The following SEMA3C variants were observed in gnomAD, a reference collection of about 807,000 sequenced individuals.
SEMA3C encodes semaphorin 3C.
SEMA3C carries 47 observed loss-of-function variants against 89.4 expected under a neutral mutation model. That is an observed-to-expected ratio of 0.53 (90% CI 0.42 to 0.67). The LOEUF is 0.67. Among genes scored for constraint, SEMA3C ranks in the 30% least tolerant of loss-of-function variants. The pLI is 0.00. For missense variants in SEMA3C, 839 were observed against 929.1 expected, an observed-to-expected ratio of 0.90 and a Z score of 1.26; for synonymous variants, 310 against 320.2, an observed-to-expected ratio of 0.97 and a Z score of 0.34.
intron 2 of SEMA3C, among the ~76,000 whole-genome samples, chr7:80,901,962 T>G (rs1256717954): frequency 1.3e-5 from 2 of 152,232 alleles, no homozygotes; most frequent in Admixed American, 1.3e-4. Context: ...TGGGTTTTTT[T>G]GTTGTTGCTT....
At chr7:80,908,561 A>C (rs1180178354) in intron 2 of SEMA3C, among the ~76,000 whole-genome samples, 3 of 152,126 alleles carry the variant, frequency 2.0e-5, no homozygotes, top group African/African-American at 7.2e-5. Flanking sequence ...AAAAAAAGAA[A>C]AGCAGGCGTA....
chr7:80,783,062 A>G (rs1562873052), intron 12 of SEMA3C, among the ~76,000 whole-genome samples: 1 of 152,184 alleles, frequency 6.6e-6, no homozygotes, highest in Non-Finnish European at 1.5e-5. Context: ...ATATCTTTAT[A>G]CAATCATTAC....
intron 17 of SEMA3C, among the ~76,000 whole-genome samples, chr7:80,748,369 C>T (rs1045864810): frequency 6.6e-6 from 1 of 152,118 alleles, no homozygotes; most frequent in African/African-American, 2.4e-5. Context: ...TCACTAAATA[C>T]AGACAATGCT....
rs760239819 is a variant in SEMA3C, at chr7:80,758,477, A to G, written c.1497T>C (p.Tyr499=). 6.2e-7 allele frequency: 1 copy of G among 1,613,692 alleles called. No homozygotes were observed. Among genetic ancestry groups the G allele is most frequent in the South Asian group, 1.1e-5 (1 of 91,024 alleles). ...GGGAAACCCCTTCATTGGAACTCAC[A>G]TACAACTGTTGCTATTAAAGGAATG... The part of the protein sequence containing the change: ...MKISSKKQQL[Y]VSSNEGVSQV... Residue 499 remains tyrosine (Y), a synonymous_variant, in exon 15 of 18, where the codon TAT becomes TAC. Transcript: ENST00000265361.
Position 80,744,865 on chromosome 7 carries a change from T to C in SEMA3C, c.*29A>G. 1.2e-6 allele frequency: 2 copies of C among 1,611,728 alleles called. No homozygotes were observed. The highest frequency in any genetic ancestry group is 8.5e-7 in the Non-Finnish European group (1 of 1,178,312). On this transcript the variant is annotated 3_prime_UTR_variant, in exon 18 of 18. Coordinates refer to ENST00000265361, the MANE Select transcript of SEMA3C (RefSeq NM_006379.5). The stretch of plus-strand genomic sequence containing the variant: ...TCATTGAAGACAGAGCATTTGTTAA[T>C]GGAAGCATAAGACCCACATAAGAAA...
intron 2 of SEMA3C, among the ~76,000 whole-genome samples, chr7:80,879,045 C>G (rs954010361): frequency 2.0e-5 from 3 of 151,700 alleles, no homozygotes; most frequent in African/African-American, 7.3e-5. Context: ...TGCAGAGGTC[C>G]CTTCATTGAG....
chr7:80,832,523 C>T (rs1405013575), intron 2 of SEMA3C, among the ~76,000 whole-genome samples: 1 of 152,084 alleles, frequency 6.6e-6, no homozygotes, highest in African/African-American at 2.4e-5. Flanking sequence ...GTTTTAAATA[C>T]GGCCATATGA....
chr7:80,840,518 G>GA lies in SEMA3C; in HGVS notation c.104-11774dup, dbSNP rs1171113816. Among the ~76,000 whole-genome samples the GA allele has an allele frequency of 0.033, 2,739 of 82,152 alleles. 207 individuals are homozygous for GA. The East Asian group carries it at 0.37, about 11-fold the overall frequency. The allele number at this position is 82,152 out of a possible 152,430, so 53.9% of individuals were successfully genotyped here. A position where few individuals can be genotyped will look rare whatever the true frequency, so the allele number is the denominator to read the frequency against. On this transcript the variant is annotated intron_variant, in intron 2 of 17. Coordinates refer to ENST00000265361, the MANE Select transcript of SEMA3C (RefSeq NM_006379.5). ...TAGGTGACAGAGCACCTGTCTCCAG[G>GA]AAAAAAAAAAAAAAAAAAAAAAAAA...
At chr7:80,867,348 A>T (rs778314080) in intron 2 of SEMA3C, among the ~76,000 whole-genome samples, 5 of 151,866 alleles carry the variant, frequency 3.3e-5, no homozygotes, top group Non-Finnish European at 5.9e-5. Flanking sequence ...CTATCCTCCT[A>T]CCACAGCTTC....
intron 17 of SEMA3C, among the ~76,000 whole-genome samples, chr7:80,747,504 C>T (rs933144642): frequency 7.8e-4 from 118 of 152,208 alleles, no homozygotes; most frequent in South Asian, 2.1e-4. Context: ...GGATTGTTCA[C>T]GTCCTTGTGT....
intron 2 of SEMA3C, among the ~76,000 whole-genome samples, chr7:80,871,790 T>C (rs1791065385): frequency 6.6e-6 from 1 of 152,228 alleles, no homozygotes; most frequent in South Asian, 2.1e-4. Context: ...AAGACCTATT[T>C]GCATTATTAA....
chr7:80,868,330 C>T (rs113495315), intron 2 of SEMA3C, among the ~76,000 whole-genome samples: 5,439 of 152,128 alleles, frequency 0.036, 240 homozygotes, highest in East Asian at 0.13. Flanking sequence ...TGCAGCGATG[C>T]AGTCTCAGCT....
At chr7:80,833,790 T>C (rs1209727603) in intron 2 of SEMA3C, among the ~76,000 whole-genome samples, 1 of 151,764 alleles carries the variant, frequency 6.6e-6, no homozygotes, top group African/African-American at 2.4e-5. Context: ...TTTTAGAACA[T>C]AGAGATGAGC....
intron 2 of SEMA3C, among the ~76,000 whole-genome samples, chr7:80,906,487 A>G (rs889804443): frequency 6.6e-6 from 1 of 152,134 alleles, no homozygotes; most frequent in African/African-American, 2.4e-5. Context: ...TCACCATTTC[A>G]TGAATAATTC....
intron 2 of SEMA3C, among the ~76,000 whole-genome samples, chr7:80,913,171 C>T (rs1329292154): frequency 5.9e-5 from 9 of 152,138 alleles, no homozygotes; most frequent in Non-Finnish European, 1.2e-4. Context: ...GAGGCTGAGA[C>T]AGGCGGATCA....
chr7:80,821,749 G>A (rs1789753662), intron 4 of SEMA3C, among the ~76,000 whole-genome samples: 1 of 152,070 alleles, frequency 6.6e-6, no homozygotes, highest in Non-Finnish European at 1.5e-5. Context: ...TCATAACAGT[G>A]CTCCAATTTA....
intron 15 of SEMA3C, among the ~76,000 whole-genome samples, chr7:80,756,389 G>A (rs1583847682): frequency 6.6e-6 from 1 of 151,428 alleles, no homozygotes; most frequent in East Asian, 2.0e-4. Flanking sequence ...TCACCTAGAC[G>A]AAGACAGTAG....
chr7:80,783,673 C>A (rs1788739622), intron 12 of SEMA3C, among the ~76,000 whole-genome samples: 1 of 152,172 alleles, frequency 6.6e-6, no homozygotes, highest in Non-Finnish European at 1.5e-5. Context: ...CCTGGCTCTG[C>A]AGTTCATTAA....
At chr7:80,833,484 GA>G (rs1380132869) in intron 2 of SEMA3C, among the ~76,000 whole-genome samples, 1 of 151,714 alleles carries the variant, frequency 6.6e-6, no homozygotes, top group African/African-American at 2.4e-5. Context: ...AGAAAGAAAA[GA>G]AAAGAAAATC....
Sources: gnomAD v4.1 joint callset for allele counts (sites outside exome capture counted in the v4.1 genomes callset) on GRCh38, gnomAD v4.1.1 for gene constraint, MANE v1.5 for transcripts, NCBI Gene and HGNC (gene_info 2026-07-23, HGNC 2026-07-21) for gene names.